Variants in KCNMA1 observed in about 807,000 individuals in gnomAD.
KCNMA1 encodes the protein potassium calcium-activated channel subfamily M alpha 1, also known as Calcium-activated potassium channel subunit alpha-1.
Under a neutral mutation model 140.0 loss-of-function variants are expected in KCNMA1, and 29 were observed. The ratio of observed to expected loss-of-function variants is 0.21; its 90% confidence interval spans 0.15 to 0.28. The LOEUF is 0.28. Among genes scored for constraint, KCNMA1 ranks in the 10% least tolerant of loss-of-function variants. The pLI, the probability that KCNMA1 is intolerant of heterozygous loss-of-function variation, is 1.00. For synonymous variants in KCNMA1, 612 were observed against 611.9 expected, an observed-to-expected ratio of 1.00 and a Z score of 0.00; for missense variants, 880 against 1,602.2, an observed-to-expected ratio of 0.55 and a Z score of 7.70.
chr10:77,389,602 C>T (rs911222023), intron 2 of KCNMA1, among the ~76,000 whole-genome samples: 11 of 152,162 alleles, frequency 7.2e-5, no homozygotes, highest in Non-Finnish European at 1.5e-4. Context: ...CAACTAGGAA[C>T]AACATCCCCT....
At chr10:77,313,154 A>G (rs1045840583) in intron 2 of KCNMA1, among the ~76,000 whole-genome samples, 2 of 152,168 alleles carry the variant, frequency 1.3e-5, no homozygotes, top group African/African-American at 4.8e-5. Context: ...TGGCTCGGAA[A>G]TGGTTAAACA....
chr10:76,971,323 T>C (rs2076020566), intron 19 of KCNMA1, among the ~76,000 whole-genome samples: 1 of 152,116 alleles, frequency 6.6e-6, no homozygotes, highest in Non-Finnish European at 1.5e-5. Context: ...GAAAGTGCCA[T>C]GTCAGCTACT....
At chr10:77,336,412 G>A (rs1296398506) in intron 2 of KCNMA1, among the ~76,000 whole-genome samples, 1 of 144,666 alleles carries the variant, frequency 6.9e-6, no homozygotes, top group Non-Finnish European at 1.5e-5. Context: ...TCCAAGTAGT[G>A]AAAAATTAAC....
intron 1 of KCNMA1, among the ~76,000 whole-genome samples, chr10:77,451,938 CT>C (rs973908575): frequency 4.6e-5 from 7 of 152,212 alleles, no homozygotes; most frequent in Admixed American, 4.6e-4. Context: ...TGGAACACCC[CT>C]GGCTTTGATG....
At chr10:76,963,324 G>T (rs921808421) in intron 20 of KCNMA1, among the ~76,000 whole-genome samples, 3 of 152,178 alleles carry the variant, frequency 2.0e-5, no homozygotes, top group Non-Finnish European at 4.4e-5. Context: ...CCCCAGGCCA[G>T]ATCTGCTGAA....
intron 1 of KCNMA1, among the ~76,000 whole-genome samples, chr10:77,453,697 G>A (rs188133073): frequency 1.4e-3 from 214 of 152,306 alleles, no homozygotes; most frequent in Admixed American, 1.7e-3. Context: ...GGAATTCACA[G>A]GCCAGGGCAG....
intron 5 of KCNMA1, among the ~76,000 whole-genome samples, chr10:77,163,830 T>C (rs1458346651): frequency 6.6e-6 from 1 of 152,182 alleles, no homozygotes; most frequent in Non-Finnish European, 1.5e-5. Flanking sequence ...TCAGTTGGGT[T>C]TCCCTTTTAG....
chr10:77,414,463 TGCAAGATAGGAA>T lies in KCNMA1; in HGVS notation c.379-10452_379-10441del, dbSNP rs370418296. ...ACCAACTTAATCTTCACAAGAAGCC[TGCAAGATAGGAA>T]TGTTTTTTCTTTTTTTCTTTTTTCT... On this transcript the variant is annotated intron_variant, in intron 1 of 27. Transcript: ENST00000286628. 3.9e-3 allele frequency among the ~76,000 whole-genome samples: 600 copies of T among 152,238 alleles called. 4 individuals carry two copies. The highest frequency in any genetic ancestry group is 0.013 in the African/African-American group (543 of 41,552).
At chr10:77,416,313 A>G (rs962980713) in intron 1 of KCNMA1, among the ~76,000 whole-genome samples, 2 of 152,128 alleles carry the variant, frequency 1.3e-5, no homozygotes, top group African/African-American at 4.8e-5. Flanking sequence ...GGCCCACACA[A>G]TAGGGGAAAG....
chr10:76,934,077 A>T (rs1270099167), intron 23 of KCNMA1, among the ~76,000 whole-genome samples: 1 of 151,998 alleles, frequency 6.6e-6, no homozygotes, highest in Non-Finnish European at 1.5e-5. Context: ...GGTTCATGTG[A>T]TTCTCCTGCC....
intron 1 of KCNMA1, among the ~76,000 whole-genome samples, chr10:77,531,200 A>G (rs972204828): frequency 6.6e-6 from 1 of 152,242 alleles, no homozygotes; most frequent in Non-Finnish European, 1.5e-5. Flanking sequence ...TCTTGTAAGC[A>G]TCCAGCTTGT....
intron 1 of KCNMA1, among the ~76,000 whole-genome samples, chr10:77,626,649 G>C (rs1437098191): frequency 6.6e-6 from 1 of 152,172 alleles, no homozygotes; most frequent in Non-Finnish European, 1.5e-5. Flanking sequence ...TTCTCCCAAA[G>C]AGGAGCAGAA....
intron 3 of KCNMA1, among the ~76,000 whole-genome samples, chr10:77,204,957 A>G (rs1565200374): frequency 1.3e-5 from 2 of 152,136 alleles, no homozygotes; most frequent in South Asian, 2.1e-4. Context: ...CCTTCCCCTG[A>G]TCAGTCAACA....
At chr10:77,314,704 C>T (rs1490160752) in intron 2 of KCNMA1, among the ~76,000 whole-genome samples, 6 of 152,162 alleles carry the variant, frequency 3.9e-5, no homozygotes, top group Admixed American at 3.9e-4. Flanking sequence ...CTGAGGTGAA[C>T]CCATGTTAGC....
intron 3 of KCNMA1, among the ~76,000 whole-genome samples, chr10:77,230,701 T>C (rs2053288266): frequency 1.3e-5 from 2 of 152,182 alleles, no homozygotes; most frequent in African/African-American, 4.8e-5. Context: ...AGAGAAATAA[T>C]TCTTTCTCAA....
chr10:77,176,897 A>G (rs1027328393), intron 5 of KCNMA1, among the ~76,000 whole-genome samples: 1 of 152,144 alleles, frequency 6.6e-6, no homozygotes, highest in African/African-American at 2.4e-5. Flanking sequence ...TGGAGATGGG[A>G]AGAGTATCCT....
intron 2 of KCNMA1, among the ~76,000 whole-genome samples, chr10:77,348,207 T>C (rs1040117830): frequency 6.6e-6 from 1 of 152,222 alleles, no homozygotes; most frequent in Non-Finnish European, 1.5e-5. Flanking sequence ...AGATAGAGTA[T>C]GCAGCCTTTC....
chr10:77,162,569 A>G lies in KCNMA1; in HGVS notation c.808+20852T>C, dbSNP rs190310265. Reference sequence around the variant, plus strand: ...ATCTTTGCCTCCAGTTTTCATCAAGATAAAGACCTGGAAGACCCGAGCCAA... The same window carrying G: ...ATCTTTGCCTCCAGTTTTCATCAAGGTAAAGACCTGGAAGACCCGAGCCAA... On this transcript the variant is annotated intron_variant, in intron 5 of 27. Coordinates refer to ENST00000286628, the MANE Select transcript of KCNMA1 (RefSeq NM_001161352.2). 4.6e-3 allele frequency among the ~76,000 whole-genome samples: 698 copies of G among 152,304 alleles called. 7 individuals carry two copies. Among genetic ancestry groups the G allele is most frequent in the Non-Finnish European group, 4.4e-3 (296 of 68,030 alleles).
At chr10:77,405,237 T>C (rs1227412939) in intron 1 of KCNMA1, among the ~76,000 whole-genome samples, 1 of 152,230 alleles carries the variant, frequency 6.6e-6, no homozygotes, top group Non-Finnish European at 1.5e-5. Context: ...TGGCCACCTG[T>C]TTAAATTTGC....
Sources: gnomAD v4.1 joint callset for allele counts (sites outside exome capture counted in the v4.1 genomes callset) on GRCh38, gnomAD v4.1.1 for gene constraint, MANE v1.5 for transcripts, NCBI Gene and HGNC (gene_info 2026-07-23, HGNC 2026-07-21) for gene names.